Variants in SHISA9 observed in about 807,000 individuals in gnomAD.
SHISA9 encodes shisa family member 9, also known as protein shisa-9.
A neutral mutation model predicts 38.0 loss-of-function variants in SHISA9; 13 were observed. The ratio of observed to expected loss-of-function variants is 0.34; its 90% CI spans 0.22 to 0.54. The LOEUF is 0.54. SHISA9 is among the 20% of genes least tolerant of loss of function. The pLI is 0.91. For synonymous variants in SHISA9, 275 were observed against 242.0 expected, an observed-to-expected ratio of 1.14 and a Z score of -1.27; for missense variants, 538 against 575.8, an observed-to-expected ratio of 0.93 and a Z score of 0.67.
chr16:13,308,458 T>C, the SHISA9 span, among the ~76,000 whole-genome samples: 1 of 152,192 alleles, frequency 6.6e-6, no homozygotes, highest in Non-Finnish European at 1.5e-5. Context: ...CAAGGTAGAT[T>C]ATTTAGGCAG....
chr16:12,988,550 C>G (rs1484910714), intron 2 of SHISA9, among the ~76,000 whole-genome samples: 4 of 152,038 alleles, frequency 2.6e-5, no homozygotes. Context: ...TTTGAGACAG[C>G]CTCTCGCTCT....
the SHISA9 span, among the ~76,000 whole-genome samples, chr16:13,362,786 C>T: frequency 1.3e-5 from 2 of 152,126 alleles, no homozygotes; most frequent in Non-Finnish European, 1.5e-5. Context: ...AGCAAAGTCC[C>T]GTTCTTTTCA....
chr16:13,233,747 C>T (rs529095924), intron 4 of SHISA9, among the ~76,000 whole-genome samples: 1 of 152,364 alleles, frequency 6.6e-6, no homozygotes, highest in Non-Finnish European at 1.5e-5. Flanking sequence ...CGGTAGCTCA[C>T]ACCTGTAATC....
At chr16:13,217,534 A>T (rs1030898582) in intron 4 of SHISA9, among the ~76,000 whole-genome samples, 2 of 152,150 alleles carry the variant, frequency 1.3e-5, no homozygotes, top group Admixed American at 1.3e-4. Flanking sequence ...CAAGCTACAT[A>T]CATGCTCCAC....
chr16:13,124,277 G>T (rs530130070), intron 2 of SHISA9, among the ~76,000 whole-genome samples: 1 of 152,156 alleles, frequency 6.6e-6, no homozygotes, highest in Non-Finnish European at 1.5e-5. Flanking sequence ...TTGTCTAAAT[G>T]GGGGGATAAT....
At chr16:13,025,548 C>G (rs1253081044) in intron 2 of SHISA9, among the ~76,000 whole-genome samples, 1 of 152,090 alleles carries the variant, frequency 6.6e-6, no homozygotes, top group Non-Finnish European at 1.5e-5. Flanking sequence ...GGGGTGTGAA[C>G]TGGGTTGAAA....
chr16:12,998,424 C>G (rs1596573666), intron 2 of SHISA9, among the ~76,000 whole-genome samples: 2 of 152,246 alleles, frequency 1.3e-5, no homozygotes, highest in South Asian at 4.1e-4. Context: ...GTATGTAGCT[C>G]TACCATCCCT....
the SHISA9 span, among the ~76,000 whole-genome samples, chr16:13,447,332 A>G: frequency 1.4e-4 from 22 of 152,114 alleles, no homozygotes; most frequent in Admixed American, 2.6e-4. Context: ...GGGGTTCCCT[A>G]TGGATTGCGG....
chr16:13,265,479 T>A, the SHISA9 span, among the ~76,000 whole-genome samples: 2 of 117,660 alleles, frequency 1.7e-5, no homozygotes, highest in African/African-American at 6.6e-5. Context: ...CTTCCCTTCC[T>A]TTCCCTTTCC....
chr16:13,066,852 A>G (rs2073440702), intron 2 of SHISA9, among the ~76,000 whole-genome samples: 1 of 152,232 alleles, frequency 6.6e-6, no homozygotes, highest in African/African-American at 2.4e-5. Context: ...CCCTTAGCAA[A>G]TAAGTGGCAT....
At chr16:13,362,338 G>C in the SHISA9 span, among the ~76,000 whole-genome samples, 1 of 152,042 alleles carries the variant, frequency 6.6e-6, no homozygotes, top group East Asian at 1.9e-4. Flanking sequence ...GGGAGGTTGA[G>C]GATGACTCGA....
At chr16:13,469,419 A>AAGAAAGAAAG in the SHISA9 span, among the ~76,000 whole-genome samples, 1 of 112,952 alleles carries the variant, frequency 8.9e-6, no homozygotes, top group Non-Finnish European at 2.1e-5. Flanking sequence ...GAAAGAAAGA[A>AAGAAAGAAAG]AGAAAAAGAA....
At chr16:13,289,190 T>A in the SHISA9 span, among the ~76,000 whole-genome samples, 1 of 152,192 alleles carries the variant, frequency 6.6e-6, no homozygotes, top group African/African-American at 2.4e-5. Context: ...CCTCCTCTCC[T>A]CTTTCTTCTG....
At chr16:13,153,806 G>T (rs1360167105) in intron 2 of SHISA9, among the ~76,000 whole-genome samples, 1 of 152,150 alleles carries the variant, frequency 6.6e-6, no homozygotes, top group East Asian at 1.9e-4. Flanking sequence ...TTTCTGCAAT[G>T]TTTGGGAACG....
chr16:13,351,277 C>G, the SHISA9 span, among the ~76,000 whole-genome samples: 74 of 152,280 alleles, frequency 4.9e-4, 1 homozygote, highest in African/African-American at 1.7e-3. Flanking sequence ...GGCCCCCAGA[C>G]AGACGACGTT....
the SHISA9 span, among the ~76,000 whole-genome samples, chr16:13,549,778 AC>A: frequency 6.6e-6 from 1 of 152,252 alleles, no homozygotes; most frequent in African/African-American, 2.4e-5. Flanking sequence ...TAATCTCAGC[AC>A]TTTGGGCAGC....
intron 2 of SHISA9, among the ~76,000 whole-genome samples, chr16:13,162,301 G>A (rs2050601915): frequency 6.6e-6 from 1 of 152,154 alleles, no homozygotes; most frequent in African/African-American, 2.4e-5. Context: ...ATGAGTGGGT[G>A]TAGAATCGTG....
chr16:13,124,978 T>G (rs1397092964), intron 2 of SHISA9, among the ~76,000 whole-genome samples: 1 of 152,144 alleles, frequency 6.6e-6, no homozygotes, highest in African/African-American at 2.4e-5. Context: ...CAAAATGGAT[T>G]AAAGACTTAG....
At chr16:13,197,945 G>A (rs1362343532) in intron 2 of SHISA9, among the ~76,000 whole-genome samples, 2 of 152,204 alleles carry the variant, frequency 1.3e-5, no homozygotes, top group Non-Finnish European at 2.9e-5. Context: ...AGCACTTTGG[G>A]AGGCCAAGGC....
Sources: allele counts gnomAD v4.1 joint callset (sites outside exome capture counted in the v4.1 genomes callset), GRCh38; gene constraint gnomAD v4.1.1; transcripts MANE v1.5; gene names NCBI Gene and HGNC (gene_info 2026-07-23, HGNC 2026-07-21).